The following SLC26A7 variants were observed in gnomAD, a reference collection of about 807,000 sequenced individuals.
SLC26A7 encodes anion exchange transporter.
A neutral mutation model predicts 82.5 loss-of-function variants in SLC26A7; 59 were observed. The observed-to-expected ratio is 0.72, with a 90% confidence interval of 0.58 to 0.89. SLC26A7 has a LOEUF of 0.89. Ranked by LOEUF, SLC26A7 falls within the 40% of genes least tolerant of loss-of-function variation. SLC26A7 has a pLI of 0.00. For missense variants in SLC26A7, 820 were observed against 793.0 expected (o/e 1.03, Z -0.41); for synonymous variants, 271 against 274.3 (o/e 0.99, Z 0.12).
intron 9 of SLC26A7, chr8:91,348,184 G>A (rs1391239833): frequency 2.7e-5 from 8 of 299,998 alleles, no homozygotes; most frequent in Admixed American, 6.5e-5. Context: ...TTGGCTAATT[G>A]CTTTCATCTC....
intron 2 of SLC26A7, among the ~76,000 whole-genome samples, chr8:91,268,174 T>C (rs926727997): frequency 6.6e-6 from 1 of 151,872 alleles, no homozygotes; most frequent in Non-Finnish European, 1.5e-5. Flanking sequence ...ATATGGTCTT[T>C]CCTGGAGAAT....
intron 14 of SLC26A7, among the ~76,000 whole-genome samples, chr8:91,368,445 G>A (rs1197194094): frequency 6.7e-6 from 1 of 149,948 alleles, no homozygotes; most frequent in African/African-American, 2.5e-5. Context: ...TTGAGACGGA[G>A]TCTCATACTG....
Position 91,225,106 on chromosome 8 carries a change from G to A in SLC26A7, c.-34+6101G>A, listed in dbSNP as rs1422011895. 4.6e-5 allele frequency among the ~76,000 whole-genome samples: 7 copies of A among 152,340 alleles called. 1 individual carries two copies. The South Asian group carries it at 8.3e-4, about 18-fold the overall frequency. ...CTTTCCCTTGCCTAGGGAGCTTTGC[G>A]TGTTAGGCAGTTGTGAGTCCCAGTG... is the stretch of plus-strand genomic sequence containing the variant. On this transcript the variant is annotated intron_variant, in intron 2 of 5. Transcript: ENST00000522862.
At position 91,374,230 on chromosome 8, in the gene SLC26A7, C is replaced by T. The variant is rs192841850; in HGVS notation, c.1675+4397C>T. ...TTTGTCTCAATTTCATTTAGTTGTA[C>T]TCTCATTTTTGTTATTTCTTTTCAT... On this transcript the variant is annotated intron_variant, in intron 15 of 18. Transcript: ENST00000276609. Among the ~76,000 whole-genome samples the T allele has an allele frequency of 2.7e-3, 399 of 149,148 alleles. 1 individual carries two copies. Among genetic ancestry groups the T allele is most frequent in the African/African-American group, 9.2e-3 (372 of 40,516 alleles).
Position 91,395,139 on chromosome 8 carries a change from C to T in SLC26A7, c.*42C>T, listed in dbSNP as rs777644861. 2 of 1,611,714 alleles carry T rather than the reference C, an allele frequency of 1.2e-6. No homozygotes were observed. The highest frequency in any genetic ancestry group is 2.2e-5 in the South Asian group (2 of 90,750). The stretch of plus-strand genomic sequence containing the variant: ...TACAGCTCTTGTCTTTACCAACTGC[C>T]TGAAGAGGCCATATGCTGGCATTTT... On this transcript the variant is annotated 3_prime_UTR_variant, in exon 19 of 19. Coordinates refer to ENST00000276609, the MANE Select transcript of SLC26A7 (RefSeq NM_052832.4).
chr8:91,217,993 G>C (rs944306085), intron 1 of SLC26A7, among the ~76,000 whole-genome samples: 7 of 152,094 alleles, frequency 4.6e-5, no homozygotes, highest in African/African-American at 1.7e-4. Flanking sequence ...TTAGAAGGCT[G>C]TTACTCTCTC....
chr8:91,338,925 T>C (rs1008728602), intron 7 of SLC26A7, among the ~76,000 whole-genome samples: 2 of 152,162 alleles, frequency 1.3e-5, no homozygotes, highest in Non-Finnish European at 2.9e-5. Flanking sequence ...TTGAATCCTA[T>C]AAATTTTTAT....
chr8:91,264,333 A>C (rs189502247), intron 2 of SLC26A7, among the ~76,000 whole-genome samples: 9 of 152,190 alleles, frequency 5.9e-5, no homozygotes. Context: ...TAATTGAAGC[A>C]CTCCTAAATG....
chr8:91,234,761 CTCCT>C (rs553369118), intron 2 of SLC26A7, among the ~76,000 whole-genome samples: 33 of 149,894 alleles, frequency 2.2e-4, no homozygotes, highest in African/African-American at 3.5e-4. Context: ...CTTTCTCTCT[CTCCT>C]TCCTTCCTTC....
At chr8:91,345,614 A>G (rs1192400161) in intron 9 of SLC26A7, among the ~76,000 whole-genome samples, 1 of 152,208 alleles carries the variant, frequency 6.6e-6, no homozygotes, top group South Asian at 2.1e-4. Context: ...TTAATATTAA[A>G]ACATCCTGGT....
rs1404480145 is a variant in SLC26A7 at position 91,396,124 on chromosome 8, A to T, written c.*1027A>T. 6.6e-6 allele frequency: 1 copy of T among 152,004 alleles called. No homozygotes were observed. The highest frequency in any genetic ancestry group is 6.5e-5 in the Admixed American group (1 of 15,270). The allele number at this position is 152,004 out of a possible 1,614,324, so 9.4% of individuals were successfully genotyped here. On this transcript the variant is annotated 3_prime_UTR_variant, in exon 19 of 19. Coordinates refer to ENST00000276609, the MANE Select transcript of SLC26A7 (RefSeq NM_052832.4). ...TCTTCAAACCCACCAAACCAACAGG[A>T]TAATTGACAAATAAACGCCATAGGC...
At chr8:91,374,930 A>G (rs1007099923) in intron 15 of SLC26A7, among the ~76,000 whole-genome samples, 1 of 151,952 alleles carries the variant, frequency 6.6e-6, no homozygotes, top group African/African-American at 2.4e-5. Context: ...ATGCATATAT[A>G]TTTAGGGGTA....
At chr8:91,246,718 A>G (rs1482668517), upstream of SLC26A7, among the ~76,000 whole-genome samples, 1 of 151,904 alleles carries the variant, frequency 6.6e-6, no homozygotes, top group African/African-American at 2.4e-5. Context: ...AAAAAAAACA[A>G]AACGGAAAAG....
intron 18 of SLC26A7, chr8:91,394,376 A>AG (rs1808506867): frequency 1.0e-5 from 16 of 1,537,076 alleles, no homozygotes; most frequent in Admixed American, 2.1e-5. Flanking sequence ...TTTCTCAAAT[A>AG]TAAAAACTCT....
rs1308783918 is a variant in SLC26A7, at chr8:91,300,455, G to T, written c.477+4752G>T. Among the ~76,000 whole-genome samples the T allele has an allele frequency of 2.0e-3, 297 of 151,036 alleles. 3 individuals carry two copies. The East Asian group carries it at 0.051, about 26-fold the overall frequency. Reference sequence around the variant, plus strand: ...CTCTGTCACCCAGGCTGGAGTGCAGGGGCGCGATCTCGGCTCACTGCAAGC... The same window carrying T: ...CTCTGTCACCCAGGCTGGAGTGCAGTGGCGCGATCTCGGCTCACTGCAAGC... On this transcript the variant is annotated intron_variant, in intron 4 of 18. Coordinates refer to ENST00000276609, the MANE Select transcript of SLC26A7 (RefSeq NM_052832.4).
chr8:91,214,375 A>T (rs566036597), intron 1 of SLC26A7, among the ~76,000 whole-genome samples: 1 of 152,268 alleles, frequency 6.6e-6, no homozygotes, highest in South Asian at 2.1e-4. Flanking sequence ...ACTGGCATGG[A>T]AAAGAAATAT....
chr8:91,290,134 A>C (rs914530497), intron 3 of SLC26A7, among the ~76,000 whole-genome samples: 2 of 152,220 alleles, frequency 1.3e-5, no homozygotes, highest in African/African-American at 4.8e-5. Context: ...AGTCTTAACT[A>C]TTAAGGAAAT....
At chr8:91,283,491 G>A (rs1811628285) in intron 2 of SLC26A7, among the ~76,000 whole-genome samples, 1 of 152,086 alleles carries the variant, frequency 6.6e-6, no homozygotes, top group Admixed American at 6.6e-5. Context: ...CCTTAACTGG[G>A]TGATCAAAGA....
At chr8:91,310,821 G>A (rs1003032355) in intron 4 of SLC26A7, among the ~76,000 whole-genome samples, 4 of 150,566 alleles carry the variant, frequency 2.7e-5, no homozygotes, top group African/African-American at 7.5e-5. Flanking sequence ...CACAAGACCC[G>A]GAAGCATGCC....
Sources: allele counts gnomAD v4.1 joint callset (sites outside exome capture counted in the v4.1 genomes callset), GRCh38; gene constraint gnomAD v4.1.1; transcripts MANE v1.5; gene names NCBI Gene and HGNC (gene_info 2026-07-23, HGNC 2026-07-21).